The following CTNNBL1 variants were observed in gnomAD, a reference collection of about 807,000 sequenced individuals.
The protein encoded by CTNNBL1 is catenin beta like 1.
A neutral mutation model predicts 72.7 loss-of-function variants in CTNNBL1; 31 were observed. The ratio of observed to expected loss-of-function variants is 0.43; its 90% CI spans 0.32 to 0.58. The LOEUF (loss-of-function observed/expected upper bound fraction) is 0.58. CTNNBL1 is among the 20% of genes least tolerant of loss of function. The pLI is 0.08. For missense variants in CTNNBL1, 534 were observed against 725.1 expected (o/e 0.74, Z 3.03); for synonymous variants, 240 against 267.3 (o/e 0.90, Z 1.00).
At chr20:37,780,837 A>G (rs539668896) in intron 10 of CTNNBL1, among the ~76,000 whole-genome samples, 3 of 152,132 alleles carry the variant, frequency 2.0e-5, no homozygotes, top group South Asian at 4.1e-4. Context: ...TAACGGTGTT[A>G]TTTGAGGATC....
intron 13 of CTNNBL1, among the ~76,000 whole-genome samples, chr20:37,854,113 C>T (rs528902177): frequency 6.6e-6 from 1 of 152,316 alleles, no homozygotes; most frequent in East Asian, 1.9e-4. Context: ...TAGAATGTCG[C>T]ATTGAACATT....
At chr20:37,696,814 A>G (rs566604732) in intron 1 of CTNNBL1, among the ~76,000 whole-genome samples, 1 of 152,286 alleles carries the variant, frequency 6.6e-6, no homozygotes, top group African/African-American at 2.4e-5. Context: ...CACTTACGAT[A>G]TATTGGATTA....
chr20:37,849,447 C>T (rs377762694), intron 13 of CTNNBL1, among the ~76,000 whole-genome samples: 1 of 152,176 alleles, frequency 6.6e-6, no homozygotes, highest in Non-Finnish European at 1.5e-5. Context: ...GTACCACTCA[C>T]GCTTCCTGAC....
intron 13 of CTNNBL1, among the ~76,000 whole-genome samples, chr20:37,850,579 C>G (rs6096517): frequency 7.7e-4 from 5 of 6,508 alleles, no homozygotes; most frequent in African/African-American, 3.1e-3. Context: ...TTTCTTCAGC[C>G]TCAGTTTCCC....
chr20:37,814,085 T>C (rs2072034391), intron 11 of CTNNBL1, among the ~76,000 whole-genome samples: 1 of 152,306 alleles, frequency 6.6e-6, no homozygotes, highest in African/African-American at 2.4e-5. Context: ...CCAGATAACT[T>C]GTCATTTTCT....
chr20:37,714,194 C>T (rs2072966030), intron 1 of CTNNBL1, among the ~76,000 whole-genome samples: 1 of 152,168 alleles, frequency 6.6e-6, no homozygotes, highest in Non-Finnish European at 1.5e-5. Flanking sequence ...TTCTTGATTA[C>T]ATACTTTTCT....
intron 13 of CTNNBL1, among the ~76,000 whole-genome samples, chr20:37,844,371 A>C (rs2072329734): frequency 6.6e-6 from 1 of 152,158 alleles, no homozygotes; most frequent in Non-Finnish European, 1.5e-5. Flanking sequence ...CCAACCCCTC[A>C]AGCTTCATGT....
Position 37,699,717 on chromosome 20 carries a change from T to C in CTNNBL1, c.30+5565T>C, listed in dbSNP as rs560334247. Among the ~76,000 whole-genome samples the C allele has an allele frequency of 2.0e-5, 3 of 152,328 alleles. No homozygotes were observed. The East Asian group carries it at 5.8e-4, about 29-fold the overall frequency. On this transcript the variant is annotated intron_variant, in intron 1 of 15. Transcript: ENST00000361383. ...TTTGAACATCCCCATCCCTAGAGTTTGATTCAGTCTCCTGTGGGACTTTAG... is the reference window on the plus strand; with the variant it reads ...TTTGAACATCCCCATCCCTAGAGTTCGATTCAGTCTCCTGTGGGACTTTAG...
intron 11 of CTNNBL1, among the ~76,000 whole-genome samples, chr20:37,815,923 C>T (rs2072054005): frequency 6.6e-6 from 1 of 152,154 alleles, no homozygotes; most frequent in Admixed American, 6.5e-5. Flanking sequence ...CCTTCCTGGA[C>T]TCTTGTAATA....
chr20:37,694,591 G>GT (rs2072774072), intron 1 of CTNNBL1, among the ~76,000 whole-genome samples: 1 of 152,124 alleles, frequency 6.6e-6, no homozygotes, highest in African/African-American at 2.4e-5. Context: ...TTTGAACCAA[G>GT]TTTTTGTATC....
At chr20:37,859,054 A>G (rs895442897) in intron 13 of CTNNBL1, among the ~76,000 whole-genome samples, 3 of 152,132 alleles carry the variant, frequency 2.0e-5, no homozygotes, top group Non-Finnish European at 4.4e-5. Flanking sequence ...TGATAAACCC[A>G]CCATAAATTG....
intron 15 of CTNNBL1, among the ~76,000 whole-genome samples, chr20:37,863,214 G>T (rs561140004): frequency 5.3e-5 from 8 of 152,290 alleles, no homozygotes; most frequent in African/African-American, 1.9e-4. Context: ...CCCTCATGGA[G>T]TTTACAGCCT....
At chr20:37,752,211 A>C (rs2073325522) in intron 4 of CTNNBL1, among the ~76,000 whole-genome samples, 1 of 152,068 alleles carries the variant, frequency 6.6e-6, no homozygotes, top group South Asian at 2.1e-4. Flanking sequence ...GTTACTCCCC[A>C]CTGGCATTTA....
At chr20:37,817,311 G>A (rs888721842) in intron 11 of CTNNBL1, among the ~76,000 whole-genome samples, 1 of 152,150 alleles carries the variant, frequency 6.6e-6, no homozygotes, top group Non-Finnish European at 1.5e-5. Context: ...ACATGCCAAA[G>A]CAGGAAACCT....
At chr20:37,793,663 A>G (rs1052489935) in intron 10 of CTNNBL1, among the ~76,000 whole-genome samples, 1 of 152,160 alleles carries the variant, frequency 6.6e-6, no homozygotes, top group Non-Finnish European at 1.5e-5. Context: ...ATAGGAGTGA[A>G]CTTCTATTTC....
intron 2 of CTNNBL1, among the ~76,000 whole-genome samples, chr20:37,736,199 A>G (rs2073170094): frequency 6.6e-6 from 1 of 152,142 alleles, no homozygotes; most frequent in Non-Finnish European, 1.5e-5. Context: ...CCTTCTCAGC[A>G]TCTAGTAAGT....
intron 15 of CTNNBL1, among the ~76,000 whole-genome samples, chr20:37,860,948 A>G (rs907686656): frequency 7.2e-5 from 11 of 152,226 alleles, no homozygotes. Flanking sequence ...ATAGGGAAAA[A>G]CATAGTGTAC....
intron 2 of CTNNBL1, among the ~76,000 whole-genome samples, chr20:37,737,122 G>A (rs1185605389): frequency 1.3e-5 from 2 of 152,142 alleles, no homozygotes; most frequent in Non-Finnish European, 2.9e-5. Context: ...TACTCGGTAA[G>A]CTGAGGCAGG....
At chr20:37,801,538 T>A (rs903510642) in intron 10 of CTNNBL1, among the ~76,000 whole-genome samples, 14 of 152,234 alleles carry the variant, frequency 9.2e-5, no homozygotes, top group African/African-American at 3.4e-4. Context: ...AAAAACACCT[T>A]TATTTTTTTT....
Sources: allele counts gnomAD v4.1 joint callset (sites outside exome capture counted in the v4.1 genomes callset), GRCh38; gene constraint gnomAD v4.1.1; transcripts MANE v1.5; gene names NCBI Gene and HGNC (gene_info 2026-07-23, HGNC 2026-07-21).